AOAH: variants seen among roughly 807,000 people sequenced by gnomAD.
The protein encoded by AOAH is acyloxyacyl hydrolase (neutrophil).
In AOAH, 64 loss-of-function variants were observed where a neutral mutation model predicts 92.2. The ratio of observed to expected loss-of-function variants is 0.69; its 90% CI spans 0.57 to 0.86. AOAH has a LOEUF of 0.86. Among genes scored for constraint, AOAH ranks in the 40% least tolerant of loss-of-function variants. AOAH has a pLI of 0.00. For missense variants in AOAH, 656 were observed against 694.6 expected (o/e 0.94, Z 0.62); for synonymous variants, 263 against 254.5 (o/e 1.03, Z -0.32).
chr7:36,721,806 T>C (rs971568095), intron 1 of AOAH, among the ~76,000 whole-genome samples: 2 of 152,184 alleles, frequency 1.3e-5, no homozygotes, highest in Non-Finnish European at 2.9e-5. Flanking sequence ...CCCCCTCCCT[T>C]TGAGTCTGGG....
At chr7:36,515,803 C>T (rs557442837) in intron 20 of AOAH, among the ~76,000 whole-genome samples, 24 of 135,370 alleles carry the variant, frequency 1.8e-4, no homozygotes, top group East Asian at 7.2e-4. Flanking sequence ...CACCCCCACA[C>T]ACCACACCCC....
intron 4 of AOAH, among the ~76,000 whole-genome samples, chr7:36,653,140 G>A (rs1318338614): frequency 6.6e-6 from 1 of 152,146 alleles, no homozygotes; most frequent in African/African-American, 2.4e-5. Flanking sequence ...GAGTTTGGGG[G>A]AGACTAGACA....
intron 2 of AOAH, 35 bp downstream of exon 2, chr7:36,686,664 C>G (rs775623408): frequency 2.6e-5 from 34 of 1,307,948 alleles, no homozygotes; most frequent in Non-Finnish European, 3.3e-5. Context: ...AGAGGACAAG[C>G]AGACCCTCAG....
chr7:36,526,963 G>T (rs1320806138), intron 19 of AOAH, among the ~76,000 whole-genome samples: 2 of 152,234 alleles, frequency 1.3e-5, no homozygotes, highest in African/African-American at 4.8e-5. Flanking sequence ...GTTGAGGGCA[G>T]CTGGAGGTAT....
chr7:36,582,209 C>G, intron 12 of AOAH, among the ~76,000 whole-genome samples: 1 of 152,134 alleles, frequency 6.6e-6, no homozygotes, highest in East Asian at 1.9e-4. Flanking sequence ...TCTTTCTGCT[C>G]TGTTGTATAT....
At position 36,512,956 on chromosome 7, in the gene AOAH, C is replaced by A. The variant is rs771787203; in HGVS notation, c.*296G>T. 1.7e-5 allele frequency: 21 copies of A among 1,248,942 alleles called. No individual in the cohort carries two copies. Among genetic ancestry groups the A allele is most frequent in the Non-Finnish European group, 2.3e-5 (21 of 913,344 alleles). The allele number at this position is 1,248,942 out of a possible 1,614,324, so 77.4% of individuals were successfully genotyped here. ...CTGGACTTAAGTGTTTTTAGAAACT[C>A]CTTTTAGAACAATTAGCTGTAAAGG... On this transcript the variant is annotated 3_prime_UTR_variant, in exon 21 of 21. Coordinates refer to ENST00000617537, the MANE Select transcript of AOAH (RefSeq NM_001637.4).
At chr7:36,717,724 C>CTTCT (rs1237909204) in intron 1 of AOAH, among the ~76,000 whole-genome samples, 3 of 81,516 alleles carry the variant, frequency 3.7e-5, no homozygotes, top group Admixed American at 2.7e-4. Context: ...TTTTTCTCTT[C>CTTCT]TTATTTTTTT....
At chr7:36,668,193 T>TTTTG (rs1554310700) in intron 3 of AOAH, among the ~76,000 whole-genome samples, 32 of 151,740 alleles carry the variant, frequency 2.1e-4, no homozygotes, top group African/African-American at 7.0e-4. Context: ...TGAGAGGTTT[T>TTTTG]TGTGTGTGTG....
intron 15 of AOAH, among the ~76,000 whole-genome samples, chr7:36,543,943 C>CTTTTTTTTTTTTTTTTTTTTT (rs1407764591): frequency 1.7e-4 from 14 of 82,798 alleles, no homozygotes; most frequent in South Asian, 3.8e-4. Context: ...TTCTTTCTTT[C>CTTTTTTTTTTTTTTTTTTTTT]TTTCTTTTTT....
chr7:36,669,726 AC>A (rs1239887808), intron 3 of AOAH, among the ~76,000 whole-genome samples: 2 of 152,164 alleles, frequency 1.3e-5, no homozygotes, highest in African/African-American at 4.8e-5. Context: ...GCCATTAATT[AC>A]ATCTAAGGTA....
intron 1 of AOAH, among the ~76,000 whole-genome samples, chr7:36,687,428 C>T (rs1476151419): frequency 1.3e-5 from 2 of 152,098 alleles, no homozygotes; most frequent in Admixed American, 1.3e-4. Flanking sequence ...TATATTCCTT[C>T]TGTTACTTTG....
intron 15 of AOAH, among the ~76,000 whole-genome samples, chr7:36,541,817 C>T (rs1785443622): frequency 6.6e-6 from 1 of 152,170 alleles, no homozygotes; most frequent in South Asian, 2.1e-4. Flanking sequence ...TTTGCACACA[C>T]CTTCAGGAAC....
intron 4 of AOAH, among the ~76,000 whole-genome samples, chr7:36,652,626 T>C (rs1794649109): frequency 6.6e-6 from 1 of 152,224 alleles, no homozygotes; most frequent in Non-Finnish European, 1.5e-5. Flanking sequence ...AGCAATGCCA[T>C]GTGGCATCAT....
intron 2 of AOAH, among the ~76,000 whole-genome samples, chr7:36,683,351 T>C (rs1796761732): frequency 6.6e-6 from 1 of 152,168 alleles, no homozygotes. Context: ...GAAGGGCTGG[T>C]GGTGAACATT....
At chr7:36,679,259 C>T (rs964862723) in intron 2 of AOAH, among the ~76,000 whole-genome samples, 1 of 151,228 alleles carries the variant, frequency 6.6e-6, no homozygotes, top group Non-Finnish European at 1.5e-5. Context: ...AACTAGTTTA[C>T]ATGTACCTTA....
At chr7:36,641,560 A>C (rs1183579117) in intron 4 of AOAH, among the ~76,000 whole-genome samples, 1 of 152,204 alleles carries the variant, frequency 6.6e-6, no homozygotes, top group Non-Finnish European at 1.5e-5. Flanking sequence ...AAAGGGCTGT[A>C]ATTTTCAGAT....
At chr7:36,616,514 G>A (rs749364927) in intron 10 of AOAH, 40 bp from the exon 11 acceptor site, 18 of 1,563,242 alleles carry the variant, frequency 1.2e-5, no homozygotes, top group Non-Finnish European at 1.6e-5. Flanking sequence ...ATGCACTCAA[G>A]TAGTTTGGAA....
chr7:36,587,352 C>T (rs1789418266), intron 12 of AOAH, among the ~76,000 whole-genome samples: 1 of 151,136 alleles, frequency 6.6e-6, no homozygotes, highest in African/African-American at 2.4e-5. Flanking sequence ...GGGAGGAGCA[C>T]TTCAGTATCC....
Position 36,517,206 on chromosome 7 carries a change from C to CTTTCTTTCTTTCTTTCTTTCTTTCTTTCT in AOAH, c.1600-3827_1600-3826insAGAAAGAAAGAAAGAAAGAAAGAAAGAAA, listed in dbSNP as rs1554360930. 1.3e-3 allele frequency among the ~76,000 whole-genome samples: 60 copies of CTTTCTTTCTTTCTTTCTTTCTTTCTTTCT among 47,150 alleles called. 5 individuals are homozygous for CTTTCTTTCTTTCTTTCTTTCTTTCTTTCT. The highest frequency in any genetic ancestry group is 1.8e-3 in the African/African-American group (35 of 19,258). 30.9% of individuals were successfully genotyped at this position (47,150 alleles called of 152,430 possible). On this transcript the variant is annotated intron_variant, in intron 20 of 20. Coordinates refer to ENST00000617537, the MANE Select transcript of AOAH (RefSeq NM_001637.4). ...TCTTTCTTTCTTTCTTTCTTTCTTT[C>CTTTCTTTCTTTCTTTCTTTCTTTCTTTCT]TTTCTTTCTCTTTCTTTCTGTCTCT...
Sources: gnomAD v4.1 joint callset for allele counts (sites outside exome capture counted in the v4.1 genomes callset) on GRCh38, gnomAD v4.1.1 for gene constraint, MANE v1.5 for transcripts, NCBI Gene and HGNC (gene_info 2026-07-23, HGNC 2026-07-21) for gene names.